Variants in MYH11 observed in about 807,000 individuals in gnomAD.
The protein encoded by MYH11 is myosin-11.
A neutral mutation model predicts 246.6 loss-of-function variants in MYH11; 80 were observed. The observed-to-expected ratio is 0.32, with a 90% CI of 0.27 to 0.39. MYH11 has a LOEUF of 0.39. Among genes scored for constraint, MYH11 ranks in the 10% least tolerant of loss-of-function variants. The probability of loss-of-function intolerance (pLI) is 1.00; values close to 1 mark genes in which losing one functional copy is unlikely to be tolerated. For missense variants in MYH11, 2,158 were observed against 2,546.8 expected, an observed-to-expected ratio of 0.85 and a Z score of 3.29; for synonymous variants, 1,071 against 1,015.5, an observed-to-expected ratio of 1.05 and a Z score of -1.04.
chr16:15,803,355 C>T (rs1030857947), intron 3 of MYH11, among the ~76,000 whole-genome samples: 1 of 150,986 alleles, frequency 6.6e-6, no homozygotes, highest in Non-Finnish European at 1.5e-5. Context: ...TGGCTCACTG[C>T]AACCTCTGCC....
At chr16:15,753,295 A>C (rs963311681) in intron 15 of MYH11, 99 bp downstream of exon 15, 4 of 1,045,702 alleles carry the variant, frequency 3.8e-6, no homozygotes, top group African/African-American at 3.1e-5. Flanking sequence ...CCCCCATGTA[A>C]AGGCCTCCCC....
intron 1 of MYH11, among the ~76,000 whole-genome samples, chr16:15,840,243 G>A (rs1428035272): frequency 6.6e-6 from 1 of 152,142 alleles, no homozygotes; most frequent in African/African-American, 2.4e-5. Flanking sequence ...ACTATAGGAT[G>A]AGTAAAGTGA....
chr16:15,733,288 C>T (rs1014654697), intron 26 of MYH11, among the ~76,000 whole-genome samples: 4 of 152,184 alleles, frequency 2.6e-5, no homozygotes, highest in Non-Finnish European at 4.4e-5. Flanking sequence ...GGCTGGAGTG[C>T]GACAGCGCAA....
At position 15,719,226 on chromosome 16, in the gene MYH11, G is replaced by A. The variant is rs756025504; in HGVS notation, c.5165C>T (p.Ser1722Leu). The change falls in exon 36 of 41, where the codon TCG (serine) becomes TTG (leucine). Residue 1722 changes from serine (S) to leucine (L), a missense_variant. By Grantham distance (145) the Ser-to-Leu change is moderately radical. Around this residue, in one of 11 missense-constraint regions of MYH11, gnomAD observed 1,013 missense variants for 993.5 expected, o/e 1.02. Coordinates refer to ENST00000300036, the MANE Select transcript of MYH11 (RefSeq NM_002474.3). ...ELAEELASSL[S>L]GRNALQDEKR... Reference sequence around the variant, plus strand: ...CCTCCATTCAGTTTCCTACCTTCCCGACAGGCTACTGGCCAGCTCCTCTGC... The same window carrying A: ...CCTCCATTCAGTTTCCTACCTTCCCAACAGGCTACTGGCCAGCTCCTCTGC... The A allele has an allele frequency of 1.2e-5, 20 of 1,613,394 alleles. No individual in the cohort carries two copies. Among genetic ancestry groups the A allele is most frequent in the East Asian group, 6.7e-5 (3 of 44,888 alleles).
chr16:15,724,036 C>G, intron 31 of MYH11, 125 bp downstream of exon 31: 1 of 1,522,016 alleles, frequency 6.6e-7, no homozygotes, highest in South Asian at 1.1e-5. Context: ...AGACAGCCTC[C>G]CATGGCTCCC....
intron 1 of MYH11, among the ~76,000 whole-genome samples, chr16:15,842,835 T>G (rs2044092167): frequency 2.0e-5 from 3 of 149,110 alleles, no homozygotes; most frequent in African/African-American, 7.4e-5. Flanking sequence ...AATAATCACT[T>G]CAGATATCCA....
Position 15,735,462 on chromosome 16 carries a change from G to A in MYH11, c.3410C>T (p.Ala1137Val), listed in dbSNP as rs765861775. The change falls in exon 26 of 41, where the codon GCT becomes GTT. Residue 1137 changes from alanine (A) to valine (V), a missense_variant. Physicochemically the swap from Ala to Val is moderately conservative, Grantham distance 64. This residue lies in a region of MYH11 where 284 missense variants were observed against 315.4 expected (regional missense o/e 0.90). Coordinates refer to ENST00000300036, the MANE Select transcript of MYH11 (RefSeq NM_002474.3). ...LDSERAARNK[A>V]EKQKRDLGEE... is the part of the protein sequence containing the mutation. ...GCCGAGGTCTCGCTTCTGCTTTTCA[G>A]CCTTGTTCCTGGCGGCCCGCTCTGA... 6.2e-7 allele frequency: 1 copy of A among 1,614,098 alleles called. No individual in the cohort carries two copies. The highest frequency in any genetic ancestry group is 8.5e-7 in the Non-Finnish European group (1 of 1,180,020).
In MYH11 at chr16:15,832,943, C is replaced by CTTTTTTTTTTTTTT. The variant is rs780380104; in HGVS notation, c.345+4951_345+4964dup. Among the ~76,000 whole-genome samples, 2 of 55,340 alleles carry CTTTTTTTTTTTTTT rather than the reference C, an allele frequency of 3.6e-5. 1 individual carries two copies. Among genetic ancestry groups the CTTTTTTTTTTTTTT allele is most frequent in the Non-Finnish European group, 6.4e-5 (2 of 31,462 alleles). The allele number at this position is 55,340 out of a possible 152,430, so 36.3% of individuals were successfully genotyped here. A position where few individuals can be genotyped will look rare whatever the true frequency, so the allele number is the denominator to read the frequency against. ...CACATCTGAGCTTCAGCAACCTCAT[C>CTTTTTTTTTTTTTT]TTTTTTTTTTTTTTTTTTTTTTTTT... is the stretch of plus-strand genomic sequence containing the variant. On this transcript the variant is annotated intron_variant, in intron 2 of 40. Transcript: ENST00000300036.
At position 15,726,859 on chromosome 16, in the gene MYH11, G is replaced by T. The variant is rs750794801; in HGVS notation, c.3847C>A (p.His1283Asn). ...CGCCACCTCCTCACCTGCAGCTTGT[G>T]GACTTTGTCATTGAGCTCCGCCCGG... is the stretch of plus-strand genomic sequence containing the variant. ...RARAELNDKV[H>N]KLQNEVESVT... is the part of the protein sequence containing the mutation. The change falls in exon 28 of 41, where the codon CAC (histidine) becomes AAC (asparagine). Residue 1283 changes from histidine to asparagine, a missense_variant. His to Asn is a moderately conservative substitution (Grantham distance 68). Coordinates refer to ENST00000300036, the MANE Select transcript of MYH11 (RefSeq NM_002474.3). 6 of 1,611,976 alleles carry T rather than the reference G, an allele frequency of 3.7e-6. No individual in the cohort carries two copies. Among genetic ancestry groups the T allele is most frequent in the Non-Finnish European group, 5.1e-6 (6 of 1,179,998 alleles).
chr16:15,754,507 A>T (rs1489562814), intron 14 of MYH11, among the ~76,000 whole-genome samples: 1 of 152,230 alleles, frequency 6.6e-6, no homozygotes, highest in Admixed American at 6.5e-5. Context: ...ATAATAAAAA[A>T]AATCCACTGA....
At chr16:15,739,804 C>T (rs149595253) in intron 23 of MYH11, among the ~76,000 whole-genome samples, 129 of 151,860 alleles carry the variant, frequency 8.5e-4, no homozygotes, top group African/African-American at 2.9e-3. Context: ...TGCAGTGGCA[C>T]GATCTCAGCT....
chr16:15,840,263 T>A (rs2044019565), intron 1 of MYH11, among the ~76,000 whole-genome samples: 1 of 152,118 alleles, frequency 6.6e-6, no homozygotes, highest in African/African-American at 2.4e-5. Context: ...AACAATAAAA[T>A]ATTACATCGT....
In MYH11 at chr16:15,842,762, C is replaced by CAAAAAAAAAAAAAA. The variant is rs757920488; in HGVS notation, c.-17-4507_-17-4494dup. ...CCAGGCAACAGAGCAAGACTTCATC[C>CAAAAAAAAAAAAAA]AAAAAAAAAAAAAAAAAAAAAAAAA... On this transcript the variant is annotated intron_variant, in intron 1 of 40. Coordinates refer to ENST00000300036, the MANE Select transcript of MYH11 (RefSeq NM_002474.3). 6.6e-4 allele frequency among the ~76,000 whole-genome samples: 13 copies of CAAAAAAAAAAAAAA among 19,636 alleles called. 1 individual carries two copies. Among genetic ancestry groups the CAAAAAAAAAAAAAA allele is most frequent in the African/African-American group, 1.4e-3 (13 of 9,174 alleles). 12.9% of individuals were successfully genotyped at this position (19,636 alleles called of 152,430 possible). A position where few individuals can be genotyped will look rare whatever the true frequency, so the allele number is the denominator to read the frequency against.
chr16:15,785,472 G>T (rs545747933), intron 5 of MYH11: 1 of 151,880 alleles, frequency 6.6e-6, no homozygotes, highest in Non-Finnish European at 1.5e-5. Flanking sequence ...GCTGAATCTT[G>T]AGTTTCCTGC....
Position 15,747,673 on chromosome 16 carries a change from A to C in MYH11, c.2308T>G (p.Phe770Val), listed in dbSNP as rs571704734. ...AGGTGGGCCAGGACGCCAGTTCGGA[A>C]GAAGATTTTGCTCTGCCCTATCCTG... ...LYRIGQSKIF[F>V]RTGVLAHLEE... Residue 770 changes from phenylalanine to valine, a missense_variant, in exon 19 of 41, where the codon TTC (phenylalanine) becomes GTC (valine). Around this residue, in one of 11 missense-constraint regions of MYH11, gnomAD observed 56 missense variants for 47.2 expected, o/e 1.19. Coordinates refer to ENST00000300036, the MANE Select transcript of MYH11 (RefSeq NM_002474.3). 2.5e-6 allele frequency: 4 copies of C among 1,614,096 alleles called. No individual in the cohort carries two copies. In the South Asian group the frequency reaches 4.4e-5, roughly 18 times the overall value.
chr16:15,823,740 C>T (rs2043480579), intron 2 of MYH11, among the ~76,000 whole-genome samples: 1 of 152,110 alleles, frequency 6.6e-6, no homozygotes, highest in South Asian at 2.1e-4. Context: ...ATCCTCCTAC[C>T]TCAGCCTCCT....
intron 3 of MYH11, among the ~76,000 whole-genome samples, chr16:15,806,279 CAAAAAAAAAAAAAAAAAAAAAAA>C (rs71134463): frequency 1.5e-3 from 91 of 61,120 alleles, no homozygotes; most frequent in Non-Finnish European, 2.4e-3. Flanking sequence ...CACTCTGTCT[CAAAAAAAAAAAAAAAAAAAAAAA>C]AAAAAAAAAA....
chr16:15,808,724 GA>G (rs200083603), intron 3 of MYH11, among the ~76,000 whole-genome samples: 44 of 151,562 alleles, frequency 2.9e-4, no homozygotes, highest in Admixed American at 5.9e-4. Flanking sequence ...CTATCTCTAT[GA>G]AAAAAAAATT....
chr16:15,760,754 C>A (rs547641107), intron 10 of MYH11, 96 bp from the exon 11 acceptor site: 1 of 914,370 alleles, frequency 1.1e-6, no homozygotes, highest in Non-Finnish European at 1.8e-6. Flanking sequence ...GTGAATACAG[C>A]GGGTTCTCTT....
Sources: allele counts gnomAD v4.1 joint callset (sites outside exome capture counted in the v4.1 genomes callset), GRCh38; gene constraint gnomAD v4.1.1; regional missense constraint gnomAD v4.1.1; transcripts MANE v1.5; gene names NCBI Gene and HGNC (gene_info 2026-07-23, HGNC 2026-07-21).